MORC1: variants seen among roughly 807,000 people sequenced by gnomAD.
MORC1 encodes MORC family CW-type zinc finger 1.
In MORC1, 59 loss-of-function variants were observed where a neutral mutation model predicts 134.9. The ratio of observed to expected loss-of-function variants is 0.44; its 90% CI spans 0.35 to 0.54. The LOEUF (loss-of-function observed/expected upper bound fraction) is 0.54, where lower values mean the gene tolerates loss of function less well. Among genes scored for constraint, MORC1 ranks in the 20% least tolerant of loss-of-function variants. The pLI, the probability that MORC1 is intolerant of heterozygous loss-of-function variation, is 0.00. For synonymous variants in MORC1, 395 were observed against 391.7 expected, an observed-to-expected ratio of 1.01 and a Z score of -0.10; for missense variants, 947 against 1,134.5, an observed-to-expected ratio of 0.83 and a Z score of 2.37.
intron 14 of MORC1, among the ~76,000 whole-genome samples, chr3:109,048,576 C>T (rs1202032722): frequency 6.6e-6 from 1 of 152,154 alleles, no homozygotes; most frequent in African/African-American, 2.4e-5. Context: ...TGAAAAAATA[C>T]CACAGACTGG....
chr3:108,997,582 A>C (rs1359751632), intron 21 of MORC1, among the ~76,000 whole-genome samples: 1 of 152,174 alleles, frequency 6.6e-6, no homozygotes. Context: ...TAAAAACAAT[A>C]AGAGCATTCA....
rs114538315 is a variant in MORC1, at chr3:108,979,556, T to C, written c.2436A>G (p.Thr812=). 579 of 1,614,168 alleles carry C rather than the reference T, an allele frequency of 3.6e-4. 8 individuals carry two copies. In the African/African-American group the frequency reaches 6.8e-3, roughly 19 times the overall value. The change falls in exon 24 of 28, where the codon ACA becomes ACG. Residue 812 remains threonine, a synonymous_variant. Coordinates refer to ENST00000232603, the MANE Select transcript of MORC1 (RefSeq NM_014429.4). The part of the protein sequence containing the change: ...VASSPASSQS[T]PVKETVRKLK... The stretch of plus-strand genomic sequence containing the variant: ...GTTTTCTCACTGTTTCCTTGACAGG[T>C]GTGCTTTGAGAAGACGCTGGCGAAG...
intron 8 of MORC1, among the ~76,000 whole-genome samples, chr3:109,078,834 A>G (rs972438059): frequency 7.2e-5 from 11 of 151,988 alleles, no homozygotes; most frequent in Non-Finnish European, 2.9e-5. Flanking sequence ...AATCTATCAG[A>G]GGAAAACATA....
intron 1 of MORC1, among the ~76,000 whole-genome samples, chr3:109,115,524 T>C (rs544955584): frequency 2.0e-5 from 3 of 152,256 alleles, no homozygotes; most frequent in Admixed American, 6.5e-5. Flanking sequence ...ATTATAAAAA[T>C]GTAAAATAGT....
chr3:109,096,995 A>G (rs916400338), intron 6 of MORC1, among the ~76,000 whole-genome samples: 2 of 152,214 alleles, frequency 1.3e-5, no homozygotes, highest in Non-Finnish European at 2.9e-5. Flanking sequence ...AAAAGAGAAT[A>G]TGAATAGAAG....
At chr3:109,098,718 C>T (rs776684196) in intron 6 of MORC1, among the ~76,000 whole-genome samples, 1 of 152,120 alleles carries the variant, frequency 6.6e-6, no homozygotes, top group African/African-American at 2.4e-5. Flanking sequence ...ACTTTTTTAT[C>T]CAATTCATAT....
intron 21 of MORC1, among the ~76,000 whole-genome samples, chr3:108,996,308 A>ACACACACACAC (rs1553745343): frequency 6.6e-6 from 1 of 151,216 alleles, no homozygotes. Context: ...ACACACACAC[A>ACACACACACAC]ACTAGAATTT....
At chr3:109,018,072 C>G (rs1251385662) in intron 17 of MORC1, among the ~76,000 whole-genome samples, 1 of 152,044 alleles carries the variant, frequency 6.6e-6, no homozygotes, top group Non-Finnish European at 1.5e-5. Context: ...CTTGTTTAGT[C>G]CGTCTGGTGT....
At chr3:109,001,730 TTTC>T (rs1948409451) in intron 20 of MORC1, among the ~76,000 whole-genome samples, 6 of 152,218 alleles carry the variant, frequency 3.9e-5, no homozygotes, top group Admixed American at 3.9e-4. Context: ...TAGTCCTTCT[TTTC>T]TTCTTACCCA....
intron 4 of MORC1, among the ~76,000 whole-genome samples, chr3:109,102,050 G>GAC (rs1950937392): frequency 1.3e-5 from 2 of 152,222 alleles, no homozygotes; most frequent in Admixed American, 1.3e-4. Flanking sequence ...AGGAGAAACA[G>GAC]ATTGAAAGTA....
chr3:108,968,827 T>G (rs1947289515), intron 26 of MORC1, among the ~76,000 whole-genome samples: 1 of 152,178 alleles, frequency 6.6e-6, no homozygotes, highest in South Asian at 2.1e-4. Flanking sequence ...ATTTCAGTAT[T>G]GATCCTGGTG....
intron 8 of MORC1, among the ~76,000 whole-genome samples, chr3:109,070,857 A>T (rs1950301184): frequency 6.6e-6 from 1 of 152,190 alleles, no homozygotes; most frequent in Admixed American, 6.5e-5. Flanking sequence ...GAAGCTCATT[A>T]AAAAGTCAGG....
intron 3 of MORC1, among the ~76,000 whole-genome samples, chr3:109,107,854 C>T (rs1028151139): frequency 1.3e-5 from 2 of 152,168 alleles, no homozygotes; most frequent in Non-Finnish European, 2.9e-5. Flanking sequence ...TTAAGCTAAA[C>T]TGAACTATAA....
At chr3:108,965,299 G>GA (rs1266767431) in intron 26 of MORC1, among the ~76,000 whole-genome samples, 1 of 152,142 alleles carries the variant, frequency 6.6e-6, no homozygotes, top group Non-Finnish European at 1.5e-5. Flanking sequence ...AACATTATTT[G>GA]AAAAAACAAT....
rs202128565 is a variant in MORC1, at chr3:109,117,331, CAAAAA to C, written c.65+659_65+663del. 3.3e-3 allele frequency among the ~76,000 whole-genome samples: 371 copies of C among 113,620 alleles called. 1 individual carries two copies. The highest frequency in any genetic ancestry group is 9.7e-3 in the African/African-American group (287 of 29,688). The allele number at this position is 113,620 out of a possible 152,430, so 74.5% of individuals were successfully genotyped here. A position where few individuals can be genotyped will look rare whatever the true frequency, so the allele number is the denominator to read the frequency against. ...GTAAATCCAAATTACCAAAAGATGT[CAAAAA>C]AAAAAAAAAAAAAAAAAGAAACATA... On this transcript the variant is annotated intron_variant, in intron 1 of 27. Transcript: ENST00000232603.
chr3:109,104,866 AACACACACACAC>A (rs5851642), intron 3 of MORC1, among the ~76,000 whole-genome samples: 7 of 149,292 alleles, frequency 4.7e-5, no homozygotes, highest in East Asian at 4.0e-4. Flanking sequence ...GACAAATTTT[AACACACACACAC>A]ACACACACAC....
At chr3:109,062,842 G>C (rs1293457809) in intron 10 of MORC1, among the ~76,000 whole-genome samples, 1 of 152,040 alleles carries the variant, frequency 6.6e-6, no homozygotes, top group African/African-American at 2.4e-5. Flanking sequence ...CTCCCATCTT[G>C]TCCTCCCAAA....
chr3:109,101,451 A>T (rs551707318), intron 4 of MORC1: 1 of 152,356 alleles, frequency 6.6e-6, no homozygotes, highest in South Asian at 2.1e-4. Flanking sequence ...TCCAGAACCA[A>T]GAATGTTCTT....
At chr3:109,112,708 A>C (rs1370276142) in intron 2 of MORC1, among the ~76,000 whole-genome samples, 1 of 152,216 alleles carries the variant, frequency 6.6e-6, no homozygotes, top group African/African-American at 2.4e-5. Context: ...CAGAGGGCCC[A>C]AATTTTTTAT....
Sources: gnomAD v4.1 joint callset for allele counts (sites outside exome capture counted in the v4.1 genomes callset) on GRCh38, gnomAD v4.1.1 for gene constraint, MANE v1.5 for transcripts, NCBI Gene and HGNC (gene_info 2026-07-23, HGNC 2026-07-21) for gene names.